KIF27: variants seen among roughly 807,000 people sequenced by gnomAD.
KIF27 encodes kinesin-like protein KIF27.
Under a neutral mutation model 141.8 loss-of-function variants are expected in KIF27, and 84 were observed. That is an observed-to-expected ratio of 0.59 (90% CI 0.50 to 0.71). The LOEUF is 0.71. Ranked by LOEUF, KIF27 falls within the 30% of genes least tolerant of loss-of-function variation. KIF27 has a pLI of 0.00. For missense variants in KIF27, 1,306 were observed against 1,628.4 expected (o/e 0.80, Z 3.41); for synonymous variants, 471 against 569.5 (o/e 0.83, Z 2.46).
At chr9:83,861,287 A>C (rs567331466) in intron 13 of KIF27, among the ~76,000 whole-genome samples, 2 of 151,976 alleles carry the variant, frequency 1.3e-5, no homozygotes, top group Admixed American at 1.3e-4. Flanking sequence ...CCATTAACTC[A>C]TCATTTACAT....
chr9:83,856,976 A>C (rs1949292579), intron 14 of KIF27, among the ~76,000 whole-genome samples: 1 of 151,608 alleles, frequency 6.6e-6, no homozygotes, highest in Non-Finnish European at 1.5e-5. Flanking sequence ...TTAGATAAAC[A>C]TAATAGTTCT....
intron 2 of KIF27, among the ~76,000 whole-genome samples, chr9:83,912,011 A>G (rs937067302): frequency 1.1e-4 from 17 of 152,018 alleles, no homozygotes; most frequent in African/African-American, 4.1e-4. Context: ...ATGCTGCAGA[A>G]CTCTACACTT....
At chr9:83,910,829 T>C (rs1469495890) in intron 2 of KIF27, among the ~76,000 whole-genome samples, 3 of 152,210 alleles carry the variant, frequency 2.0e-5, no homozygotes, top group Admixed American at 1.3e-4. Flanking sequence ...CAAATAGGCG[T>C]AGGAGGGACT....
chr9:83,848,408 T>C (rs1311188463), intron 16 of KIF27, among the ~76,000 whole-genome samples: 1 of 137,234 alleles, frequency 7.3e-6, no homozygotes, highest in African/African-American at 2.6e-5. Flanking sequence ...TATATGCATA[T>C]ATGATATATA....
intron 17 of KIF27, chr9:83,837,788 T>G (rs2131432285): frequency 5.0e-6 from 1 of 200,690 alleles, no homozygotes; most frequent in African/African-American, 2.3e-5. Flanking sequence ...TCTGGTGCCT[T>G]TCCATGCCTG....
At chr9:83,910,875 A>G (rs1227628186) in intron 2 of KIF27, among the ~76,000 whole-genome samples, 2 of 152,150 alleles carry the variant, frequency 1.3e-5, no homozygotes, top group African/African-American at 4.8e-5. Context: ...TCACAGCAAC[A>G]TTATTTACAG....
Position 83,834,581 on chromosome 9 carries a change from T to C in KIF27, c.*2420A>G, listed in dbSNP as rs1427340376. Among the ~76,000 whole-genome samples, 1 of 151,996 alleles carries C rather than the reference T, an allele frequency of 6.6e-6. No individual in the cohort carries two copies. Among genetic ancestry groups the C allele is most frequent in the Non-Finnish European group, 1.5e-5 (1 of 67,914 alleles). ...TTGAGGAAATGTGTATTTCCACAGG[T>C]AAAACAAGTATGTGTTAATTTCTTG... is the stretch of plus-strand genomic sequence containing the variant. On this transcript the variant is annotated 3_prime_UTR_variant, in exon 18 of 18. Transcript: ENST00000297814.
chr9:83,875,434 T>C (rs1345158120), intron 11 of KIF27, among the ~76,000 whole-genome samples: 2 of 152,202 alleles, frequency 1.3e-5, no homozygotes, highest in African/African-American at 2.4e-5. Flanking sequence ...CATTAATTCA[T>C]CTATAAGACA....
chr9:83,850,259 T>C lies in KIF27; in HGVS notation c.3396A>G (p.Leu1132=). 2.5e-6 allele frequency: 4 copies of C among 1,613,938 alleles called. No homozygotes were observed. The East Asian group carries it at 8.9e-5, about 36-fold the overall frequency. ...NLREAERKQQ[L]YNEEMKMKVL... ...CTTTCATTTTCATTTCTTCATTATATAACTGTTGTTTCCGTTCAGCTTCTC... is the reference window on the plus strand; with the variant it reads ...CTTTCATTTTCATTTCTTCATTATACAACTGTTGTTTCCGTTCAGCTTCTC... Residue 1132 remains leucine (L), a synonymous_variant, in exon 16 of 18, where the codon TTA becomes TTG. Transcript: ENST00000297814.
intron 10 of KIF27, among the ~76,000 whole-genome samples, chr9:83,881,889 T>C (rs1951706600): frequency 6.6e-6 from 1 of 152,250 alleles, no homozygotes; most frequent in African/African-American, 2.4e-5. Flanking sequence ...ACTTATTTCA[T>C]AGTTGCTCAA....
At chr9:83,914,994 A>G (rs189757830) in intron 2 of KIF27, among the ~76,000 whole-genome samples, 123 of 152,346 alleles carry the variant, frequency 8.1e-4, no homozygotes, top group African/African-American at 2.7e-3. Flanking sequence ...AAATCTAATC[A>G]TGTTAACTCA....
chr9:83,886,210 A>T (rs2132285139), intron 9 of KIF27, among the ~76,000 whole-genome samples: 1 of 152,224 alleles, frequency 6.6e-6, no homozygotes, highest in South Asian at 2.1e-4. Flanking sequence ...GAAGTTGAGG[A>T]TATTTACCCA....
intron 2 of KIF27, among the ~76,000 whole-genome samples, chr9:83,914,104 T>TA (rs59546743): frequency 0.15 from 20,775 of 139,262 alleles, 1,491 homozygotes; most frequent in African/African-American, 0.17. Context: ...CTCTTAATAA[T>TA]AAAAAAAAAA....
chr9:83,913,629 G>A (rs1955407485), intron 2 of KIF27, among the ~76,000 whole-genome samples: 1 of 152,144 alleles, frequency 6.6e-6, no homozygotes, highest in Non-Finnish European at 1.5e-5. Context: ...TAGAGACAGG[G>A]TTTCATCATG....
At chr9:83,894,888 C>A (rs760138160) in intron 5 of KIF27, among the ~76,000 whole-genome samples, 15 of 152,076 alleles carry the variant, frequency 9.9e-5, no homozygotes, top group Non-Finnish European at 1.5e-5. Flanking sequence ...ACCCCCAATA[C>A]AACAGTACAT....
intron 14 of KIF27, among the ~76,000 whole-genome samples, chr9:83,855,912 G>A (rs1949148830): frequency 6.6e-6 from 1 of 152,196 alleles, no homozygotes. Context: ...GATAATATAA[G>A]GTAGTGTGAA....
rs777144395 is a variant in KIF27, at chr9:83,859,192, A to G, written c.3114T>C (p.Asp1038=). The part of the protein sequence containing the change: ...DQLQKRRHNV[D]EKLKNGRVLS... ...ACACTCTACCATTTTTAAGTTTTTC[A>G]TCCACATTGTGTCTGCGTTTCTGGA... The change falls in exon 14 of 18, where the codon GAT becomes GAC. Residue 1038 remains aspartate, a synonymous_variant. Transcript: ENST00000297814. 1 of 1,612,950 alleles carries G rather than the reference A, an allele frequency of 6.2e-7. No homozygotes were observed. The highest frequency in any genetic ancestry group is 1.1e-5 in the South Asian group (1 of 91,076).
At chr9:83,855,159 C>G (rs947409649) in intron 14 of KIF27, 8 of 152,118 alleles carry the variant, frequency 5.3e-5, no homozygotes, top group African/African-American at 1.9e-4. Context: ...CTCAGCCTCC[C>G]AAGTAACTGG....
At chr9:83,870,687 A>ATGCTGATG in intron 11 of KIF27, 55 bp from the exon 12 acceptor site, 1 of 1,457,960 alleles carries the variant, frequency 6.9e-7, no homozygotes, top group Non-Finnish European at 9.3e-7. Context: ...ACCATTAAGT[A>ATGCTGATG]TGCTGATGAC....
Sources: allele counts gnomAD v4.1 joint callset (sites outside exome capture counted in the v4.1 genomes callset), GRCh38; gene constraint gnomAD v4.1.1; transcripts MANE v1.5; gene names NCBI Gene and HGNC (gene_info 2026-07-23, HGNC 2026-07-21).